LAMC2: variants seen among roughly 807,000 people sequenced by gnomAD.
LAMC2 encodes the protein laminin subunit gamma 2, also known as laminin subunit gamma-2.
LAMC2 carries 97 observed loss-of-function variants against 140.2 expected under a neutral mutation model. The observed-to-expected ratio is 0.69, with a 90% CI of 0.59 to 0.82. The LOEUF (loss-of-function observed/expected upper bound fraction) is 0.82. Among genes scored for constraint, LAMC2 ranks in the 40% least tolerant of loss-of-function variants. The pLI is 0.00. For synonymous variants in LAMC2, 513 were observed against 540.2 expected, an observed-to-expected ratio of 0.95 and a Z score of 0.70; for missense variants, 1,402 against 1,476.1, an observed-to-expected ratio of 0.95 and a Z score of 0.82.
chr1:183,191,495 TGAC>T (rs922922087), intron 1 of LAMC2, among the ~76,000 whole-genome samples: 4 of 129,914 alleles, frequency 3.1e-5, no homozygotes, highest in African/African-American at 1.2e-4. Flanking sequence ...TCAAACTTAC[TGAC>T]TTTTTTTTTT....
intron 1 of LAMC2, among the ~76,000 whole-genome samples, chr1:183,193,506 TATAC>T (rs1422995615): frequency 1.0e-5 from 1 of 99,920 alleles, no homozygotes; most frequent in African/African-American, 4.7e-5. Context: ...ATGTAAGCTT[TATAC>T]ATACTTACTG....
At chr1:183,199,748 C>A (rs1387246905) in intron 1 of LAMC2, among the ~76,000 whole-genome samples, 1 of 152,194 alleles carries the variant, frequency 6.6e-6, no homozygotes, top group Non-Finnish European at 1.5e-5. Flanking sequence ...CAAGGAAGTG[C>A]ACAATCTGAT....
intron 22 of LAMC2, among the ~76,000 whole-genome samples, chr1:183,242,460 C>G (rs1278666797): frequency 1.3e-5 from 2 of 152,178 alleles, no homozygotes; most frequent in Non-Finnish European, 2.9e-5. Context: ...CCTATTTGAA[C>G]TAAATGGGTC....
intron 2 of LAMC2, among the ~76,000 whole-genome samples, chr1:183,213,118 T>C (rs1659122099): frequency 6.6e-6 from 1 of 152,260 alleles, no homozygotes; most frequent in South Asian, 2.1e-4. Flanking sequence ...TGAGAGTTCC[T>C]ATTATGCAGA....
intron 13 of LAMC2, 141 bp from the exon 14 acceptor site, chr1:183,232,511 A>G: frequency 9.3e-7 from 1 of 1,073,894 alleles, no homozygotes; most frequent in East Asian, 2.6e-5. Flanking sequence ...GATCTGAATG[A>G]TGGTGATAAA....
intron 1 of LAMC2, among the ~76,000 whole-genome samples, chr1:183,198,316 G>T (rs745989471): frequency 4.0e-5 from 6 of 151,456 alleles, no homozygotes; most frequent in Non-Finnish European, 8.8e-5. Flanking sequence ...TAATTTTTTT[G>T]TGTATTTTAG....
At chr1:183,216,314 C>T (rs891514178) in intron 3 of LAMC2, among the ~76,000 whole-genome samples, 2 of 152,168 alleles carry the variant, frequency 1.3e-5, no homozygotes, top group East Asian at 1.9e-4. Flanking sequence ...CTTCCCTGAC[C>T]CTTTCAGATG....
chr1:183,206,525 A>G (rs1241414421), intron 1 of LAMC2, among the ~76,000 whole-genome samples: 2 of 152,024 alleles, frequency 1.3e-5, no homozygotes, highest in African/African-American at 2.4e-5. Flanking sequence ...CGCACCTATA[A>G]TCCCAGCTAC....
At position 183,238,293 on chromosome 1, in the gene LAMC2, C is replaced by A; in HGVS notation, c.2755-14C>A. Reference sequence around the variant, plus strand: ...TGTACTTCCTCTAATCTTGTTCTATCTGCCTTTTTACAGAAATCAGATCAG... The same window carrying A: ...TGTACTTCCTCTAATCTTGTTCTATATGCCTTTTTACAGAAATCAGATCAG... On this transcript the variant is annotated splice_polypyrimidine_tract_variant and intron_variant, in intron 18 of 22. Coordinates refer to ENST00000264144, the MANE Select transcript of LAMC2 (RefSeq NM_005562.3). 1 of 1,598,106 alleles carries A rather than the reference C, an allele frequency of 6.3e-7. No homozygotes were observed. Among genetic ancestry groups the A allele is most frequent in the Non-Finnish European group, 8.6e-7 (1 of 1,165,638 alleles).
rs563617458 is a variant in LAMC2 at position 183,236,714 on chromosome 1, A to G, written c.2601+110A>G. The stretch of plus-strand genomic sequence containing the variant: ...ATTCAGCTTTTTCTCCATGTTGACC[A>G]TTTCTGTTTTAGAGTGGGAAGAGTA... On this transcript the variant is annotated intron_variant, in intron 17 of 22. Coordinates refer to ENST00000264144, the MANE Select transcript of LAMC2 (RefSeq NM_005562.3). The G allele has an allele frequency of 1.7e-5, 23 of 1,324,654 alleles. No individual in the cohort carries two copies. The South Asian group carries it at 2.6e-4, about 15-fold the overall frequency. The allele number at this position is 1,324,654 out of a possible 1,614,324, so 82.1% of individuals were successfully genotyped here.
At chr1:183,211,453 G>A (rs1243558088) in intron 2 of LAMC2, among the ~76,000 whole-genome samples, 1 of 151,956 alleles carries the variant, frequency 6.6e-6, no homozygotes, top group East Asian at 1.9e-4. Context: ...TTTTTAAAAG[G>A]GTTCTCAAAA....
At chr1:183,199,549 TTCCATCCATCCA>T (rs951717695) in intron 1 of LAMC2, among the ~76,000 whole-genome samples, 1 of 151,856 alleles carries the variant, frequency 6.6e-6, no homozygotes, top group African/African-American at 2.4e-5. Flanking sequence ...TCCACCATCT[TTCCATCCATCCA>T]TCCATCCAAG....
Position 183,243,159 on chromosome 1 carries a change from G to A in LAMC2, c.3341G>A (p.Ser1114Asn), listed in dbSNP as rs773037912. The A allele has an allele frequency of 1.2e-6, 2 of 1,613,670 alleles. No homozygotes were observed. The highest frequency in any genetic ancestry group is 1.7e-5 in the Admixed American group (1 of 59,994). Residue 1114 changes from serine to asparagine, a missense_variant, in exon 23 of 23, where the codon AGT (serine) becomes AAT (asparagine). By Grantham distance (46) the Ser-to-Asn change is conservative. This residue lies in a region of LAMC2 where 670 missense variants were observed against 667.2 expected (regional missense o/e 1.00). Coordinates refer to ENST00000264144, the MANE Select transcript of LAMC2 (RefSeq NM_005562.3). ...GLLHLMDQPL[S>N]VDEEGLVLLE... Reference sequence around the variant, plus strand: ...TTCCTTGAAATAGACCAGCCTCTCAGTGTAGATGAAGAGGGGCTGGTCTTA... The same window carrying A: ...TTCCTTGAAATAGACCAGCCTCTCAATGTAGATGAAGAGGGGCTGGTCTTA...
chr1:183,222,738 G>A (rs879346528), intron 6 of LAMC2, among the ~76,000 whole-genome samples: 2 of 152,128 alleles, frequency 1.3e-5, no homozygotes, highest in Non-Finnish European at 2.9e-5. Flanking sequence ...CTGTTAAATG[G>A]GAATACTAAT....
intron 1 of LAMC2, among the ~76,000 whole-genome samples, chr1:183,187,215 C>T (rs1176563822): frequency 6.6e-6 from 1 of 152,138 alleles, no homozygotes; most frequent in Non-Finnish European, 1.5e-5. Context: ...CATCTGATGG[C>T]GTTTCAATCA....
intron 6 of LAMC2, 75 bp from the exon 7 acceptor site, chr1:183,223,060 A>G: frequency 7.2e-7 from 1 of 1,395,794 alleles, no homozygotes; most frequent in Non-Finnish European, 1.0e-6. Context: ...AATTGCCGAC[A>G]CCAGTGCAAA....
the LAMC2 span, among the ~76,000 whole-genome samples, chr1:183,254,529 C>T: frequency 2.0e-5 from 3 of 152,112 alleles, no homozygotes; most frequent in Non-Finnish European, 4.4e-5. Context: ...CCTCAAACTC[C>T]TGGGCTCAAG....
rs1163332681 is a variant in LAMC2, at chr1:183,243,310, T to C, written c.3492T>C (p.Asp1164=). The change falls in exon 23 of 23, where the codon GAT becomes GAC. Residue 1164 remains aspartate (D), a synonymous_variant. Coordinates refer to ENST00000264144, the MANE Select transcript of LAMC2 (RefSeq NM_005562.3). ...GHLHLLETSI[D]GILADVKNLE... ...TCCATTTGCTGGAGACAAGCATAGA[T>C]GGGATTCTGGCTGATGTGAAGAACT... The C allele has an allele frequency of 1.9e-6, 3 of 1,614,152 alleles. No homozygotes were observed. The highest frequency in any genetic ancestry group is 2.5e-6 in the Non-Finnish European group (3 of 1,180,020).
intron 1 of LAMC2, among the ~76,000 whole-genome samples, chr1:183,196,484 C>A (rs184265950): frequency 2.0e-5 from 3 of 152,222 alleles, no homozygotes; most frequent in Admixed American, 2.0e-4. Flanking sequence ...TTTAAAGGAC[C>A]CTTTCAATAA....
Sources: gnomAD v4.1 joint callset for allele counts (sites outside exome capture counted in the v4.1 genomes callset) on GRCh38, gnomAD v4.1.1 for gene constraint, gnomAD v4.1.1 regional missense constraint, MANE v1.5 for transcripts, NCBI Gene and HGNC (gene_info 2026-07-23, HGNC 2026-07-21) for gene names.